CDS2: variants seen among roughly 807,000 people sequenced by gnomAD.
CDS2 encodes CDP-diacylglycerol synthase 2.
A neutral mutation model predicts 59.0 loss-of-function variants in CDS2; 47 were observed. The ratio of observed to expected loss-of-function variants is 0.80; its 90% CI spans 0.63 to 1.02. CDS2 has a LOEUF of 1.02. Ranked by LOEUF, CDS2 falls within the 50% of genes least tolerant of loss-of-function variation. The probability of loss-of-function intolerance (pLI) is 0.00; values close to 1 mark genes in which losing one functional copy is unlikely to be tolerated. For missense variants in CDS2, 356 were observed against 558.9 expected (o/e 0.64, Z 3.66); for synonymous variants, 207 against 206.4 (o/e 1.00, Z -0.02).
At position 5,147,940 on chromosome 20, in the gene CDS2, G is replaced by GT. The variant is rs201521420; in HGVS notation, c.57+20800dup. ...CTTTTGATCTCTAAGAGCAGTGATT[G>GT]TTTTTTTTTGTTGTTGTTGCTGTTG... On this transcript the variant is annotated intron_variant, in intron 1 of 12. Transcript: ENST00000460006. 5.4e-3 allele frequency among the ~76,000 whole-genome samples: 820 copies of GT among 150,916 alleles called. 6 individuals carry two copies. Among genetic ancestry groups the GT allele is most frequent in the African/African-American group, 0.019 (767 of 41,108 alleles).
At position 5,173,553 on chromosome 20, in the gene CDS2, G is replaced by A. The variant is rs777802239; in HGVS notation, c.88G>A (p.Glu30Lys). 8.7e-6 allele frequency: 14 copies of A among 1,614,246 alleles called. No individual in the cohort carries two copies. In the Admixed American group the frequency reaches 2.3e-4, roughly 27 times the overall value. The part of the protein sequence containing the change: ...ESESEAKVDG[E>K]TASDSESRAE... ...AGAGTCAGAAGCAAAGGTAGATGGA[G>A]AGACTGCATCGGACAGTGAGAGCCG... Residue 30 changes from glutamate to lysine, a missense_variant, in exon 2 of 13, where the codon GAG (glutamate) becomes AAG (lysine). By Grantham distance (56) the Glu-to-Lys change is moderately conservative. Transcript: ENST00000460006.
intron 1 of CDS2, among the ~76,000 whole-genome samples, chr20:5,144,667 A>G (rs2090724713): frequency 6.6e-6 from 1 of 152,224 alleles, no homozygotes; most frequent in South Asian, 2.1e-4. Context: ...TTTCTTTGTT[A>G]AAAATGTTGA....
chr20:5,129,845 C>T (rs991760525), intron 1 of CDS2, among the ~76,000 whole-genome samples: 24 of 151,936 alleles, frequency 1.6e-4, no homozygotes, highest in Non-Finnish European at 3.1e-4. Context: ...TCCCAAAGTG[C>T]TGAGACTACA....
chr20:5,182,807 C>T (rs995924937), intron 6 of CDS2, among the ~76,000 whole-genome samples: 2 of 152,210 alleles, frequency 1.3e-5, no homozygotes, highest in African/African-American at 4.8e-5. Flanking sequence ...GCTCCAGGTG[C>T]TCAATAACTA....
In CDS2 at chr20:5,184,012, G is replaced by C. The variant is rs565400731; in HGVS notation, c.672-846G>C. Reference sequence around the variant, plus strand: ...TCTCTACTAAAAATACAAAAAAATAGCTGGTGTGGTGGCGTGGCAGGTGCC... The same window carrying C: ...TCTCTACTAAAAATACAAAAAAATACCTGGTGTGGTGGCGTGGCAGGTGCC... On this transcript the variant is annotated intron_variant, in intron 7 of 12. Transcript: ENST00000460006. The surrounding 1 kb of genome is among the most constrained non-coding windows in gnomAD (Gnocchi z 4.3). 5.6e-4 allele frequency among the ~76,000 whole-genome samples: 85 copies of C among 152,180 alleles called. No homozygotes were observed. Among genetic ancestry groups the C allele is most frequent in the African/African-American group, 1.9e-3 (77 of 41,548 alleles).
rs2090619033 is a variant in CDS2, at chr20:5,132,925, C to T, written c.57+5776C>T. On this transcript the variant is annotated intron_variant, in intron 1 of 12. Coordinates refer to ENST00000460006, the MANE Select transcript of CDS2 (RefSeq NM_003818.4). ...CGGTGGCTCACGCCTGTAATCCCAG[C>T]ACTTTGGGAGGCTGAGGCGGGCGGA... Among the ~76,000 whole-genome samples, 8 of 151,940 alleles carry T rather than the reference C, an allele frequency of 5.3e-5. No homozygotes were observed. The South Asian group carries it at 1.7e-3, about 32-fold the overall frequency.
chr20:5,155,440 A>G (rs746664639), intron 1 of CDS2, among the ~76,000 whole-genome samples: 4 of 152,224 alleles, frequency 2.6e-5, no homozygotes, highest in Non-Finnish European at 5.9e-5. Flanking sequence ...CTCAAAGTCT[A>G]AAATTATGGA....
chr20:5,162,194 C>T (rs180981709), intron 1 of CDS2, among the ~76,000 whole-genome samples: 40 of 152,232 alleles, frequency 2.6e-4, no homozygotes, highest in Admixed American at 2.2e-3. Context: ...TCGAACATCC[C>T]AAAATCAAAA....
intron 1 of CDS2, among the ~76,000 whole-genome samples, chr20:5,163,032 G>T (rs930604078): frequency 9.2e-5 from 14 of 152,162 alleles, no homozygotes; most frequent in Non-Finnish European, 1.5e-5. Flanking sequence ...TTTCTTTGCT[G>T]GGGTAATGGA....
intron 1 of CDS2, among the ~76,000 whole-genome samples, chr20:5,134,872 C>G (rs1285209593): frequency 6.6e-6 from 1 of 152,090 alleles, no homozygotes; most frequent in Non-Finnish European, 1.5e-5. Context: ...AGTCTAACAG[C>G]TGATGGATAT....
At chr20:5,182,968 C>A in intron 6 of CDS2, 93 bp from the exon 7 acceptor site, 1 of 993,042 alleles carries the variant, frequency 1.0e-6, no homozygotes. Flanking sequence ...TTCCTACCTG[C>A]TTCTCAGCAG....
At chr20:5,132,026 T>G (rs1467209057) in intron 1 of CDS2, among the ~76,000 whole-genome samples, 1 of 152,214 alleles carries the variant, frequency 6.6e-6, no homozygotes, top group Non-Finnish European at 1.5e-5. Flanking sequence ...CTATTCATAT[T>G]CATTACCTTT....
chr20:5,172,652 T>C (rs1245537076), intron 1 of CDS2, among the ~76,000 whole-genome samples: 1 of 152,180 alleles, frequency 6.6e-6, no homozygotes, highest in Non-Finnish European at 1.5e-5. Flanking sequence ...CCAGTACTGC[T>C]CTGAAGCTTG....
chr20:5,138,063 C>T (rs1292518559), intron 1 of CDS2, among the ~76,000 whole-genome samples: 1 of 151,720 alleles, frequency 6.6e-6, no homozygotes, highest in East Asian at 2.0e-4. Flanking sequence ...TCCCAAAGTG[C>T]TGGGATTACA....
intron 1 of CDS2, among the ~76,000 whole-genome samples, chr20:5,153,201 GT>G: frequency 6.6e-6 from 1 of 152,144 alleles, no homozygotes; most frequent in East Asian, 1.9e-4. Flanking sequence ...AGTACTTACT[GT>G]TTGTGATATA....
At position 5,197,842 on chromosome 20, in the gene CDS2, A is replaced by G. The variant is rs2091170446; in HGVS notation, c.*7608A>G. 6.6e-6 allele frequency: 1 copy of G among 152,272 alleles called. No individual in the cohort carries two copies. The highest frequency in any genetic ancestry group is 2.1e-4 in the South Asian group (1 of 4,826). 9.4% of individuals were successfully genotyped at this position (152,272 alleles called of 1,614,324 possible). On this transcript the variant is annotated 3_prime_UTR_variant, in exon 13 of 13. Transcript: ENST00000460006. The stretch of plus-strand genomic sequence containing the variant: ...GTTGGAAAGCATTTACCTTATTTAT[A>G]TACCTGAATGTTCCTACTACACAAA...
chr20:5,184,325 G>C lies in CDS2; in HGVS notation c.672-533G>C, dbSNP rs746922273. On this transcript the variant is annotated intron_variant, in intron 7 of 12. Transcript: ENST00000460006. The surrounding 1 kb of genome is among the most constrained non-coding windows in gnomAD (Gnocchi z 4.3). ...GAGTGGGCAGAGGGGAAATCTAGCT[G>C]TGCGTGTTGGGGTTTCACACTCAAA... Among the ~76,000 whole-genome samples the C allele has an allele frequency of 2.0e-5, 3 of 152,314 alleles. No homozygotes were observed. In the East Asian group the frequency reaches 5.8e-4, roughly 29 times the overall value.
chr20:5,159,142 T>C (rs908700097), intron 1 of CDS2, among the ~76,000 whole-genome samples: 1 of 152,184 alleles, frequency 6.6e-6, no homozygotes, highest in African/African-American at 2.4e-5. Context: ...CAAATTAATA[T>C]CAGAAATCTA....
chr20:5,178,711 G>A (rs1330415243), intron 4 of CDS2, 106 bp from the exon 5 acceptor site: 2 of 1,157,112 alleles, frequency 1.7e-6, no homozygotes, highest in Non-Finnish European at 2.6e-6. Flanking sequence ...GGGACTCAAG[G>A]GTGGGGGGTA....
Sources: gnomAD v4.1 joint callset for allele counts (sites outside exome capture counted in the v4.1 genomes callset) on GRCh38, gnomAD v4.1.1 for gene constraint, Gnocchi (gnomAD v3.1) non-coding constraint, MANE v1.5 for transcripts, NCBI Gene and HGNC (gene_info 2026-07-23, HGNC 2026-07-21) for gene names.